SLC38A8: variants seen among roughly 807,000 people sequenced by gnomAD.
SLC38A8 encodes amino acid transporter SLC38A8.
SLC38A8 carries 65 observed loss-of-function variants against 46.0 expected under a neutral mutation model. That is an observed-to-expected ratio of 1.41 (90% confidence interval 1.16 to 1.74). The LOEUF (loss-of-function observed/expected upper bound fraction) is 1.74, where lower values mean the gene tolerates loss of function less well. Among genes scored for constraint, SLC38A8 ranks in the 40% most tolerant of loss-of-function variants. The pLI, the probability that SLC38A8 is intolerant of heterozygous loss-of-function variation, is 0.00. For missense variants in SLC38A8, 998 were observed against 567.9 expected (o/e 1.76, Z -7.70); for synonymous variants, 447 against 243.7 (o/e 1.83, Z -7.77).
At chr16:84,017,670 A>G (rs1454545391) in intron 7 of SLC38A8, among the ~76,000 whole-genome samples, 1 of 152,152 alleles carries the variant, frequency 6.6e-6, no homozygotes, top group East Asian at 1.9e-4. Context: ...CACATTTCCA[A>G]ATGGGGAAAA....
At chr16:84,028,769 C>G (rs778418637) in intron 6 of SLC38A8, among the ~76,000 whole-genome samples, 2 of 151,216 alleles carry the variant, frequency 1.3e-5, no homozygotes, top group Non-Finnish European at 2.9e-5. Context: ...GCCTGGGGCC[C>G]GCTCACATCG....
chr16:84,027,155 G>C (rs114576431), intron 6 of SLC38A8, among the ~76,000 whole-genome samples: 1 of 152,250 alleles, frequency 6.6e-6, no homozygotes, highest in African/African-American at 2.4e-5. Flanking sequence ...ATCGAGACCA[G>C]CCTGGCCAAC....
chr16:84,035,236 G>T (rs1567702688), intron 3 of SLC38A8, among the ~76,000 whole-genome samples: 1 of 152,158 alleles, frequency 6.6e-6, no homozygotes. Flanking sequence ...TTGCCACTGT[G>T]GGGGAGCAGG....
intron 4 of SLC38A8, among the ~76,000 whole-genome samples, chr16:84,032,985 G>C (rs2085262265): frequency 6.9e-6 from 1 of 144,852 alleles, no homozygotes; most frequent in African/African-American, 2.6e-5. Flanking sequence ...GGTGTGGGTA[G>C]GTGGGTGTGC....
intron 3 of SLC38A8, among the ~76,000 whole-genome samples, chr16:84,035,897 A>C (rs2085294766): frequency 6.6e-6 from 1 of 152,238 alleles, no homozygotes; most frequent in Non-Finnish European, 1.5e-5. Context: ...AAAGATTAAT[A>C]TGGTTGCAAT....
At chr16:84,022,743 C>A (rs1373465881) in intron 7 of SLC38A8, 32 bp downstream of exon 7, 3 of 1,570,724 alleles carry the variant, frequency 1.9e-6, no homozygotes, top group Admixed American at 1.7e-5. Flanking sequence ...TCACTCCCCA[C>A]CCTCTGCAGG....
intron 9 of SLC38A8, among the ~76,000 whole-genome samples, chr16:84,013,610 T>C (rs905767648): frequency 1.3e-5 from 2 of 151,828 alleles, no homozygotes; most frequent in Non-Finnish European, 2.9e-5. Flanking sequence ...TTTGTATTTT[T>C]AGTAGAGACG....
At chr16:84,011,070 C>G (rs1337035208) in intron 10 of SLC38A8, among the ~76,000 whole-genome samples, 2 of 152,206 alleles carry the variant, frequency 1.3e-5, no homozygotes, top group Non-Finnish European at 2.9e-5. Flanking sequence ...GACCAGAAGG[C>G]CGGGTTGTCA....
In SLC38A8 at chr16:84,012,449, G is replaced by A. The variant is rs534845316; in HGVS notation, c.1214+552C>T. ...TATGCCAGGCAGGTGGGTTAGCATG[G>A]GGCCTGGGAGCCAGGGGCCTGGGTT... is the stretch of plus-strand genomic sequence containing the variant. On this transcript the variant is annotated intron_variant, in intron 10 of 10. Coordinates refer to ENST00000299709, the MANE Select transcript of SLC38A8 (RefSeq NM_001080442.3). Among the ~76,000 whole-genome samples, 4 of 152,214 alleles carry A rather than the reference G, an allele frequency of 2.6e-5. No homozygotes were observed. The South Asian group carries it at 6.2e-4, about 24-fold the overall frequency.
chr16:84,014,349 C>A (rs532607978), intron 9 of SLC38A8, among the ~76,000 whole-genome samples: 1 of 150,586 alleles, frequency 6.6e-6, no homozygotes, highest in East Asian at 2.0e-4. Context: ...AAGCCCGGCC[C>A]AGAACTGAGG....
intron 1 of SLC38A8, 121 bp from the exon 2 acceptor site, chr16:84,042,280 C>T: frequency 1.8e-6 from 2 of 1,093,108 alleles, no homozygotes; most frequent in Non-Finnish European, 1.3e-6. Context: ...CTGCCCGCTT[C>T]CTTGGCGTCA....
chr16:84,033,513 C>T lies in SLC38A8; in HGVS notation c.389-44G>A, dbSNP rs768890911. 1.2e-5 allele frequency: 19 copies of T among 1,531,052 alleles called. 1 individual carries two copies. Among genetic ancestry groups the T allele is most frequent in the Middle Eastern group, 2.4e-4 (1 of 4,104 alleles). The allele number at this position is 1,531,052 out of a possible 1,614,324, so 94.8% of individuals were successfully genotyped here. On this transcript the variant is annotated intron_variant, in intron 3 of 10. Coordinates refer to ENST00000299709, the MANE Select transcript of SLC38A8 (RefSeq NM_001080442.3). ...GAGCTGAGCCACAGAGTACAAATGCCGTGGGTTCTCGGCTCCCACCTGGCC... is the reference window on the plus strand; with the variant it reads ...GAGCTGAGCCACAGAGTACAAATGCTGTGGGTTCTCGGCTCCCACCTGGCC...
intron 10 of SLC38A8, 77 bp from the exon 11 acceptor site, chr16:84,009,954 C>A (rs952843371): frequency 2.7e-5 from 34 of 1,264,790 alleles, no homozygotes; most frequent in Non-Finnish European, 3.0e-5. Context: ...AAAAAATTCA[C>A]TATGTAGAGC....
In SLC38A8 at chr16:84,027,382, AACAAACAC is replaced by A. The variant is rs562346131; in HGVS notation, c.690+2104_690+2111del. On this transcript the variant is annotated intron_variant, in intron 6 of 10. Coordinates refer to ENST00000299709, the MANE Select transcript of SLC38A8 (RefSeq NM_001080442.3). ...ATTAAAACAAACAAACAAACAAACA[AACAAACAC>A]ACACTAGAAGTCCTGGTGTAGCCGC... is the stretch of plus-strand genomic sequence containing the variant. 1.5e-3 allele frequency among the ~76,000 whole-genome samples: 223 copies of A among 150,720 alleles called. 3 individuals carry two copies. The highest frequency in any genetic ancestry group is 5.2e-3 in the African/African-American group (208 of 40,098).
chr16:84,013,123 G>C lies in SLC38A8; in HGVS notation c.1163-71C>G, dbSNP rs1346942805. On this transcript the variant is annotated intron_variant, in intron 9 of 10. Transcript: ENST00000299709. ...AAAGCAACAAAAAGGTCCCGGGAGA[G>C]GTCCTCAGGGACCCAGGAGGCCAGC... is the stretch of plus-strand genomic sequence containing the variant. 2.5e-6 allele frequency: 4 copies of C among 1,580,384 alleles called. No homozygotes were observed. In the East Asian group the frequency reaches 9.0e-5, roughly 35 times the overall value.
In SLC38A8 at chr16:84,029,376, T is replaced by C. The variant is rs528660475; in HGVS notation, c.690+118A>G. The C allele has an allele frequency of 3.7e-5, 38 of 1,021,860 alleles. No homozygotes were observed. The African/African-American group carries it at 4.8e-4, about 13-fold the overall frequency. The allele number at this position is 1,021,860 out of a possible 1,614,324, so 63.3% of individuals were successfully genotyped here. A position where few individuals can be genotyped will look rare whatever the true frequency, so the allele number is the denominator to read the frequency against. On this transcript the variant is annotated intron_variant, in intron 6 of 10. Transcript: ENST00000299709. ...GGTGGGCGGCACAGAGCCCACTGTA[T>C]CCTAGGAGAAGTCCTCAGACGCCTC...
intron 5 of SLC38A8, among the ~76,000 whole-genome samples, chr16:84,030,321 T>C (rs1449731120): frequency 1.3e-5 from 2 of 151,982 alleles, no homozygotes; most frequent in East Asian, 1.9e-4. Flanking sequence ...CACTCACATA[T>C]CCTAACTCAT....
At chr16:84,011,607 C>G (rs1020272007) in intron 10 of SLC38A8, among the ~76,000 whole-genome samples, 1 of 152,184 alleles carries the variant, frequency 6.6e-6, no homozygotes, top group Non-Finnish European at 1.5e-5. Context: ...CTACCTGGAA[C>G]CTGTGCTTGC....
intron 9 of SLC38A8, among the ~76,000 whole-genome samples, chr16:84,014,728 C>T (rs368527758): frequency 6.6e-6 from 1 of 152,222 alleles, no homozygotes; most frequent in Non-Finnish European, 1.5e-5. Context: ...GGAGCTGGGG[C>T]AGGTACGGTT....
Sources: allele counts gnomAD v4.1 joint callset (sites outside exome capture counted in the v4.1 genomes callset), GRCh38; gene constraint gnomAD v4.1.1; transcripts MANE v1.5; gene names NCBI Gene and HGNC (gene_info 2026-07-23, HGNC 2026-07-21).